PSMA5: variants seen among roughly 807,000 people sequenced by gnomAD.
PSMA5 encodes proteasome subunit alpha type-5.
A neutral mutation model predicts 34.5 loss-of-function variants in PSMA5; 3 were observed. That is an observed-to-expected ratio of 0.09 (90% CI 0.04 to 0.22). The LOEUF (loss-of-function observed/expected upper bound fraction) is 0.22, where lower values mean the gene tolerates loss of function less well. PSMA5 is among the 10% of genes least tolerant of loss of function. PSMA5 has a pLI of 1.00. For missense variants in PSMA5, 120 were observed against 286.1 expected (o/e 0.42, Z 4.19); for synonymous variants, 88 against 95.8 (o/e 0.92, Z 0.47).
Position 109,412,106 on chromosome 1 carries a change from C to A in PSMA5, c.370G>T (p.Gly124Ter). 1 of 1,614,062 alleles carries A rather than the reference C, an allele frequency of 6.2e-7. No individual in the cohort carries two copies. The highest frequency in any genetic ancestry group is 1.3e-5 in the African/African-American group (1 of 75,008). Residue 124 changes from glycine to a stop codon, truncating the protein, a stop_gained, in exon 5 of 9, where the codon GGA (glycine) becomes TGA (stop). Coordinates refer to ENST00000271308, the MANE Select transcript of PSMA5 (RefSeq NM_002790.4). LOFTEE classifies it high-confidence loss of function. ...GCACCTGGATCTGCATCTTCTTCTC[C>A]AAACTGCAAAGCCAGATTGGACACA... Reference protein sequence around the residue: ...QAVSNLALQFGEEDADPGAMS... With the variant: ...QAVSNLALQF
In PSMA5 at chr1:109,416,745, T is replaced by G. The variant is rs529602460; in HGVS notation, c.97-1382A>C. 4.6e-5 allele frequency among the ~76,000 whole-genome samples: 7 copies of G among 152,346 alleles called. No homozygotes were observed. In the South Asian group the frequency reaches 1.4e-3, roughly 32 times the overall value. On this transcript the variant is annotated intron_variant, in intron 2 of 8. Coordinates refer to ENST00000271308, the MANE Select transcript of PSMA5 (RefSeq NM_002790.4). ...ATGTACACCAGCTTTTTGTCATGTA[T>G]TTTCTTAATCAGTGGATACCTGCAT...
In PSMA5 at chr1:109,401,817, A is replaced by G; in HGVS notation, c.*196T>C. 2.7e-6 allele frequency: 1 copy of G among 376,878 alleles called. No individual in the cohort carries two copies. The allele number at this position is 376,878 out of a possible 1,614,324, so 23.3% of individuals were successfully genotyped here. On this transcript the variant is annotated 3_prime_UTR_variant, in exon 9 of 9. Transcript: ENST00000271308. ...ATCTCTTAAAAAAAAAAAAAAAAAA[A>G]AGACTATTAGAAGAGAACAGTCTAT...
intron 4 of PSMA5, chr1:109,412,393 C>T (rs1037230074): frequency 1.5e-5 from 7 of 481,384 alleles, no homozygotes; most frequent in African/African-American, 3.9e-5. Context: ...CTCTACGCAA[C>T]GACGGACAAG....
chr1:109,412,681 T>C (rs188461521), intron 4 of PSMA5: 56 of 185,916 alleles, frequency 3.0e-4, no homozygotes, highest in African/African-American at 1.2e-3. Flanking sequence ...TGGTACAAGT[T>C]ATTACTCACC....
At chr1:109,410,062 G>T in intron 7 of PSMA5, 48 bp from the exon 8 acceptor site, 3 of 1,220,372 alleles carry the variant, frequency 2.5e-6, no homozygotes, top group Non-Finnish European at 2.4e-6. Flanking sequence ...TGCACAATCC[G>T]TCCTTCCTTC....
At chr1:109,418,826 A>G (rs1654318885) in intron 2 of PSMA5, among the ~76,000 whole-genome samples, 1 of 152,210 alleles carries the variant, frequency 6.6e-6, no homozygotes, top group Non-Finnish European at 1.5e-5. Flanking sequence ...CGGGATGCTA[A>G]TAAGAAGAAA....
At position 109,401,045 on chromosome 1, in the gene PSMA5, T is replaced by C. The variant is rs964099279; in HGVS notation, c.*968A>G. On this transcript the variant is annotated 3_prime_UTR_variant, in exon 9 of 9. Transcript: ENST00000271308. ...AGATTCTTCATCTGTTAAGTAGTGATACTGATACCATCTTCCCGTGGTAAT... is the reference window on the plus strand; with the variant it reads ...AGATTCTTCATCTGTTAAGTAGTGACACTGATACCATCTTCCCGTGGTAAT... The C allele has an allele frequency of 6.6e-6, 1 of 152,230 alleles. No homozygotes were observed. The highest frequency in any genetic ancestry group is 1.5e-5 in the Non-Finnish European group (1 of 68,042). The allele number at this position is 152,230 out of a possible 1,614,324, so 9.4% of individuals were successfully genotyped here.
intron 8 of PSMA5, among the ~76,000 whole-genome samples, chr1:109,407,178 G>A (rs529933048): frequency 6.6e-6 from 1 of 152,212 alleles, no homozygotes; most frequent in African/African-American, 2.4e-5. Context: ...TAGTAGAGAA[G>A]GGGTTTCACC....
chr1:109,418,030 C>T (rs1428163891), intron 2 of PSMA5, among the ~76,000 whole-genome samples: 38 of 151,884 alleles, frequency 2.5e-4, no homozygotes, highest in Admixed American at 2.5e-3. Flanking sequence ...TTGAGACCAG[C>T]CTGGGCAACA....
chr1:109,418,873 G>A (rs958221992), intron 2 of PSMA5, among the ~76,000 whole-genome samples: 1 of 152,190 alleles, frequency 6.6e-6, no homozygotes, highest in South Asian at 2.1e-4. Context: ...AATTATTTCT[G>A]GCCAAACACG....
intron 2 of PSMA5, among the ~76,000 whole-genome samples, chr1:109,415,663 A>T (rs936798871): frequency 1.3e-4 from 20 of 151,878 alleles, no homozygotes; most frequent in Non-Finnish European, 2.6e-4. Context: ...ACCCCAAAAG[A>T]GTAAGTTCAA....
intron 1 of PSMA5, chr1:109,425,908 T>G (rs1188511532): frequency 1.2e-5 from 3 of 248,250 alleles, no homozygotes; most frequent in Non-Finnish European, 1.6e-5. Flanking sequence ...AGTTGCTTTT[T>G]CTTCCAGGAA....
intron 7 of PSMA5, among the ~76,000 whole-genome samples, chr1:109,410,402 A>G (rs543230867): frequency 1.1e-4 from 16 of 152,298 alleles, no homozygotes; most frequent in Non-Finnish European, 2.1e-4. Context: ...AGAAAATTCA[A>G]ATTTACCCTG....
rs1418745773 is a variant in PSMA5 at position 109,399,834 on chromosome 1, G to T, written c.*2179C>A. The T allele has an allele frequency of 2.0e-5, 3 of 152,066 alleles. No homozygotes were observed. Among genetic ancestry groups the T allele is most frequent in the Non-Finnish European group, 2.9e-5 (2 of 67,996 alleles). The allele number at this position is 152,066 out of a possible 1,614,324, so 9.4% of individuals were successfully genotyped here. The stretch of plus-strand genomic sequence containing the variant: ...TGAGATTGACATTAAATATAAAAGT[G>T]GCACTGTCAGTTCTCCTTTGTGAGA... On this transcript the variant is annotated 3_prime_UTR_variant, in exon 9 of 9. Transcript: ENST00000271308.
At chr1:109,419,511 T>A (rs1027549088) in intron 2 of PSMA5, among the ~76,000 whole-genome samples, 1 of 151,690 alleles carries the variant, frequency 6.6e-6, no homozygotes, top group Non-Finnish European at 1.5e-5. Flanking sequence ...CTACAAAAAA[T>A]ACAAAAACTT....
chr1:109,419,810 A>AC (rs1654365640), intron 2 of PSMA5, among the ~76,000 whole-genome samples: 2 of 97,278 alleles, frequency 2.1e-5, no homozygotes, highest in African/African-American at 3.0e-5. Flanking sequence ...AAAAAAAAAA[A>AC]AAAAAAAAAA....
Position 109,419,600 on chromosome 1 carries a change from C to T in PSMA5, c.96+2260G>A, listed in dbSNP as rs144451541. 6.6e-5 allele frequency among the ~76,000 whole-genome samples: 10 copies of T among 151,990 alleles called. No individual in the cohort carries two copies. In the East Asian group the frequency reaches 1.6e-3, roughly 24 times the overall value. Reference sequence around the variant, plus strand: ...CAGGTGGATCACAGGGTCAGGAGTTCGAGACCAGCCTGACCGATATGGTGA... The same window carrying T: ...CAGGTGGATCACAGGGTCAGGAGTTTGAGACCAGCCTGACCGATATGGTGA... On this transcript the variant is annotated intron_variant, in intron 2 of 8. Coordinates refer to ENST00000271308, the MANE Select transcript of PSMA5 (RefSeq NM_002790.4).
At position 109,419,447 on chromosome 1, in the gene PSMA5, C is replaced by T. The variant is rs559252441; in HGVS notation, c.96+2413G>A. Among the ~76,000 whole-genome samples, 4 of 152,230 alleles carry T rather than the reference C, an allele frequency of 2.6e-5. No homozygotes were observed. In the South Asian group the frequency reaches 8.3e-4, roughly 32 times the overall value. ...CTTTGGGAGGCCTAGGTGGGCGGAT[C>T]ACTTGAGCTCAGGAGCTCGAGACCA... On this transcript the variant is annotated intron_variant, in intron 2 of 8. Coordinates refer to ENST00000271308, the MANE Select transcript of PSMA5 (RefSeq NM_002790.4).
intron 1 of PSMA5, 60 bp from the exon 2 acceptor site, chr1:109,421,986 A>G: frequency 9.1e-7 from 1 of 1,103,738 alleles, no homozygotes; most frequent in South Asian, 1.8e-5. Context: ...TAGACACTGA[A>G]TTCAAGTTCC....
Sources: allele counts gnomAD v4.1 joint callset (sites outside exome capture counted in the v4.1 genomes callset), GRCh38; gene constraint gnomAD v4.1.1; transcripts MANE v1.5; gene names NCBI Gene and HGNC (gene_info 2026-07-23, HGNC 2026-07-21).